The following PRKCZ variants were observed in gnomAD, a reference collection of about 807,000 sequenced individuals.
PRKCZ encodes the protein protein kinase C zeta, also known as protein kinase C zeta type.
In PRKCZ, 33 loss-of-function variants were observed where a neutral mutation model predicts 79.5. The observed-to-expected ratio is 0.41, with a 90% CI of 0.31 to 0.55. PRKCZ has a LOEUF of 0.55. Among genes scored for constraint, PRKCZ ranks in the 20% least tolerant of loss-of-function variants. The pLI is 0.19. For synonymous variants in PRKCZ, 342 were observed against 320.9 expected (o/e 1.07, Z -0.70); for missense variants, 578 against 813.5 (o/e 0.71, Z 3.52).
intron 4 of PRKCZ, among the ~76,000 whole-genome samples, chr1:2,076,355 C>CA (rs1480487224): frequency 2.0e-5 from 3 of 152,236 alleles, no homozygotes; most frequent in Non-Finnish European, 4.4e-5. Context: ...ACAGGCTGGA[C>CA]AGGCACCCTG....
Position 2,092,414 on chromosome 1 carries a change from C to G in PRKCZ, c.334+32823C>G, listed in dbSNP as rs12058352. On this transcript the variant is annotated intron_variant, in intron 4 of 17. Coordinates refer to ENST00000378567, the MANE Select transcript of PRKCZ (RefSeq NM_002744.6). Reference sequence around the variant, plus strand: ...GGGACACCCTGGCTGGGACAAAGTGCGCAGCTCTACCCCTGCTCTGAAATG... The same window carrying G: ...GGGACACCCTGGCTGGGACAAAGTGGGCAGCTCTACCCCTGCTCTGAAATG... 8.9e-3 allele frequency among the ~76,000 whole-genome samples: 1,348 copies of G among 152,312 alleles called. 21 individuals carry two copies. The highest frequency in any genetic ancestry group is 0.031 in the African/African-American group (1,270 of 41,560).
At chr1:2,107,906 C>T (rs973536346) in intron 4 of PRKCZ, among the ~76,000 whole-genome samples, 1 of 150,766 alleles carries the variant, frequency 6.6e-6, no homozygotes, top group African/African-American at 2.4e-5. Flanking sequence ...CCCCCCAGGG[C>T]AGTGTCGGGA....
intron 9 of PRKCZ, 88 bp downstream of exon 9, chr1:2,151,066 C>T (rs9442619): frequency 0.1 from 147,656 of 1,438,896 alleles, 8,061 homozygotes; most frequent in South Asian, 0.12. Flanking sequence ...AATCCATGCA[C>T]GAGAGACCTA....
At chr1:2,132,890 A>C (rs1675283431) in intron 4 of PRKCZ, among the ~76,000 whole-genome samples, 2 of 152,218 alleles carry the variant, frequency 1.3e-5, no homozygotes. Context: ...TACACACGAC[A>C]GAAACGTCTT....
intron 5 of PRKCZ, among the ~76,000 whole-genome samples, chr1:2,140,899 C>T (rs1677182003): frequency 6.6e-6 from 1 of 152,140 alleles, no homozygotes; most frequent in Non-Finnish European, 1.5e-5. Context: ...ACCCAGGAGG[C>T]GGAGGCTGCA....
chr1:2,077,854 C>G (rs1252412341), intron 4 of PRKCZ, among the ~76,000 whole-genome samples: 1 of 152,244 alleles, frequency 6.6e-6, no homozygotes, highest in East Asian at 1.9e-4. Context: ...TTCCATCCTC[C>G]TGATGGAGTT....
At chr1:2,121,987 C>T (rs373620955) in intron 4 of PRKCZ, among the ~76,000 whole-genome samples, 2 of 2,968 alleles carry the variant, frequency 6.7e-4, no homozygotes, top group Non-Finnish European at 5.7e-4. Context: ...GTTAGGGTCA[C>T]GGCGGTGGTT....
At position 2,139,975 on chromosome 1, in the gene PRKCZ, T is replaced by A. The variant is rs1266765922; in HGVS notation, c.421-4235T>A. Among the ~76,000 whole-genome samples, 4 of 152,172 alleles carry A rather than the reference T, an allele frequency of 2.6e-5. No individual in the cohort carries two copies. The East Asian group carries it at 7.7e-4, about 29-fold the overall frequency. On this transcript the variant is annotated intron_variant, in intron 5 of 17. Transcript: ENST00000378567. ...AGGGCACAAGTGCCGCAGGGACAGC[T>A]GGGTGGATGGCCCAAGACTTTGGCC...
intron 16 of PRKCZ, 25 bp downstream of exon 16, chr1:2,175,338 C>T (rs1244743758): frequency 6.3e-6 from 10 of 1,585,796 alleles, no homozygotes; most frequent in African/African-American, 2.7e-5. Context: ...AGCCTATTTG[C>T]ACCCCCATCC....
At chr1:2,126,792 G>A (rs1039658504) in intron 4 of PRKCZ, among the ~76,000 whole-genome samples, 2 of 152,194 alleles carry the variant, frequency 1.3e-5, no homozygotes, top group African/African-American at 4.8e-5. Context: ...CGAGGGCCGC[G>A]GACACCTGAG....
chr1:2,131,289 A>G (rs1324321802), intron 4 of PRKCZ, among the ~76,000 whole-genome samples: 1 of 152,080 alleles, frequency 6.6e-6, no homozygotes, highest in Admixed American at 6.5e-5. Context: ...GCAGGCTCAG[A>G]GCTCTTTGTT....
At chr1:2,074,084 G>A (rs1661932307) in intron 4 of PRKCZ, 2 of 1,491,196 alleles carry the variant, frequency 1.3e-6, no homozygotes, top group South Asian at 1.3e-5. Context: ...CAGATGCTCC[G>A]GGCAGCAACA....
intron 7 of PRKCZ, among the ~76,000 whole-genome samples, chr1:2,146,484 C>G (rs1466414381): frequency 1.3e-5 from 2 of 152,190 alleles, no homozygotes; most frequent in Admixed American, 6.5e-5. Context: ...CAGAGCTGAG[C>G]CCTATCTGGG....
At chr1:2,053,406 GACA>G (rs1659876141) in intron 1 of PRKCZ, among the ~76,000 whole-genome samples, 1 of 152,200 alleles carries the variant, frequency 6.6e-6, no homozygotes, top group Non-Finnish European at 1.5e-5. Flanking sequence ...GCCCAGCTCA[GACA>G]ACGTTTGTGT....
intron 4 of PRKCZ, among the ~76,000 whole-genome samples, chr1:2,067,728 G>A (rs1661239256): frequency 6.6e-6 from 1 of 152,220 alleles, no homozygotes; most frequent in South Asian, 2.1e-4. Flanking sequence ...AGTGCCGGGT[G>A]AGGCCAGTGT....
At chr1:2,148,850 TC>T (rs769798084) in intron 7 of PRKCZ, 21 bp from the exon 8 acceptor site, 2 of 1,613,092 alleles carry the variant, frequency 1.2e-6, no homozygotes, top group Admixed American at 1.7e-5. Context: ...TAACGCCCCT[TC>T]CTTCCTCCCT....
intron 4 of PRKCZ, among the ~76,000 whole-genome samples, chr1:2,069,327 G>A (rs903357335): frequency 6.6e-6 from 1 of 152,132 alleles, no homozygotes; most frequent in Non-Finnish European, 1.5e-5. Flanking sequence ...GAGAACCCCC[G>A]TGAGTGGAGG....
intron 9 of PRKCZ, among the ~76,000 whole-genome samples, chr1:2,152,867 C>A (rs2103247958): frequency 6.6e-6 from 1 of 152,366 alleles, no homozygotes; most frequent in South Asian, 2.1e-4. Context: ...CCAGTGGAGG[C>A]CCCACGTTTG....
chr1:2,150,382 T>C (rs1163984261), intron 8 of PRKCZ, among the ~76,000 whole-genome samples: 1 of 152,148 alleles, frequency 6.6e-6, no homozygotes, highest in African/African-American at 2.4e-5. Context: ...TTAGCTGCAT[T>C]CGCTTTACCT....
Sources: allele counts gnomAD v4.1 joint callset (sites outside exome capture counted in the v4.1 genomes callset), GRCh38; gene constraint gnomAD v4.1.1; transcripts MANE v1.5; gene names NCBI Gene and HGNC (gene_info 2026-07-23, HGNC 2026-07-21).